Variants in RPTOR observed in about 807,000 individuals in gnomAD.
RPTOR encodes regulatory associated protein of MTOR complex 1.
A neutral mutation model predicts 169.9 loss-of-function variants in RPTOR; 21 were observed. The observed-to-expected ratio is 0.12, with a 90% CI of 0.09 to 0.18. The LOEUF (loss-of-function observed/expected upper bound fraction) is 0.18, where lower values mean the gene tolerates loss of function less well. Among genes scored for constraint, RPTOR ranks in the 10% least tolerant of loss-of-function variants. The probability of loss-of-function intolerance (pLI) is 1.00; values close to 1 mark genes in which losing one functional copy is unlikely to be tolerated. For synonymous variants in RPTOR, 732 were observed against 753.2 expected, an observed-to-expected ratio of 0.97 and a Z score of 0.46; for missense variants, 1,133 against 1,855.9, an observed-to-expected ratio of 0.61 and a Z score of 7.16.
At chr17:80,718,498 G>T (rs1416531121) in intron 4 of RPTOR, among the ~76,000 whole-genome samples, 1 of 152,170 alleles carries the variant, frequency 6.6e-6, no homozygotes, top group Non-Finnish European at 1.5e-5. Context: ...TGATAATGTA[G>T]GGAAAATATT....
intron 24 of RPTOR, among the ~76,000 whole-genome samples, chr17:80,928,640 C>G (rs2068840179): frequency 6.6e-6 from 1 of 152,224 alleles, no homozygotes; most frequent in Non-Finnish European, 1.5e-5. Context: ...GAGCCGTGTT[C>G]TGTCTGCGGC....
chr17:80,709,980 C>CT lies in RPTOR; in HGVS notation c.507+1995dup, dbSNP rs772968444. ...CTTACACTCCTGATAACTTACAAAACTTTTTTTTTTTTTTGAAACAGGGTC... is the reference window on the plus strand; with the variant it reads ...CTTACACTCCTGATAACTTACAAAACTTTTTTTTTTTTTTTGAAACAGGGTC... On this transcript the variant is annotated intron_variant, in intron 4 of 33. Coordinates refer to ENST00000306801, the MANE Select transcript of RPTOR (RefSeq NM_020761.3). 5.1e-3 allele frequency among the ~76,000 whole-genome samples: 725 copies of CT among 143,342 alleles called. 6 individuals are homozygous for CT. Among genetic ancestry groups the CT allele is most frequent in the African/African-American group, 0.015 (603 of 39,204 alleles). 94.0% of individuals were successfully genotyped at this position (143,342 alleles called of 152,430 possible). A position where few individuals can be genotyped will look rare whatever the true frequency, so the allele number is the denominator to read the frequency against.
intron 20 of RPTOR, among the ~76,000 whole-genome samples, chr17:80,898,669 TCCCCCCA>T (rs2143898498): frequency 1.5e-4 from 1 of 6,762 alleles, no homozygotes; most frequent in African/African-American, 6.0e-4. Context: ...CCCCCCCCGC[TCCCCCCA>T]CCCCCCGCCG....
At chr17:80,793,582 G>A (rs1052017913) in intron 7 of RPTOR, among the ~76,000 whole-genome samples, 2 of 152,056 alleles carry the variant, frequency 1.3e-5, no homozygotes, top group African/African-American at 4.8e-5. Context: ...ACAGTGTCTC[G>A]TCTCCATCCT....
At position 80,822,210 on chromosome 17, in the gene RPTOR, C is replaced by T. The variant is rs2143614075; in HGVS notation, c.900C>T (p.Gly300=). The T allele has an allele frequency of 6.2e-7, 1 of 1,614,164 alleles. No individual in the cohort carries two copies. Among genetic ancestry groups the T allele is most frequent in the Non-Finnish European group, 8.5e-7 (1 of 1,179,972 alleles). Reference sequence around the variant, plus strand: ...GCCCCTTGTTTTCTAGGATCCCTGGCCGCCTGAACGACAGGAGGACGCCCC... The same window carrying T: ...GCCCCTTGTTTTCTAGGATCCCTGGTCGCCTGAACGACAGGAGGACGCCCC... ...VTLDLIEKIP[G]RLNDRRTPLG... is the part of the protein sequence containing the mutation. Residue 300 remains glycine (G), a synonymous_variant, in exon 8 of 34, where the codon GGC becomes GGT. Coordinates refer to ENST00000306801, the MANE Select transcript of RPTOR (RefSeq NM_020761.3).
intron 13 of RPTOR, among the ~76,000 whole-genome samples, chr17:80,874,463 G>A (rs2068084738): frequency 6.6e-6 from 1 of 152,068 alleles, no homozygotes; most frequent in African/African-American, 2.4e-5. Context: ...CCAAAGTGCT[G>A]GGATTAGAAT....
intron 3 of RPTOR, among the ~76,000 whole-genome samples, chr17:80,693,417 G>A (rs941679480): frequency 7.2e-5 from 11 of 152,252 alleles, no homozygotes; most frequent in African/African-American, 2.7e-4. Flanking sequence ...GCCCCATCTG[G>A]AAGCAATAGC....
chr17:80,586,874 G>A (rs865989787), intron 1 of RPTOR, among the ~76,000 whole-genome samples: 3 of 149,902 alleles, frequency 2.0e-5, no homozygotes, highest in Middle Eastern at 3.4e-3. Context: ...TGTGATAGCT[G>A]TTCCTGTTCC....
At chr17:80,626,052 TTTA>T (rs974629265) in intron 2 of RPTOR, among the ~76,000 whole-genome samples, 8 of 152,128 alleles carry the variant, frequency 5.3e-5, no homozygotes, top group Non-Finnish European at 2.9e-5. Context: ...TATTTTTTTA[TTTA>T]TTATTATTAT....
At chr17:80,621,654 T>C (rs1360047840) in intron 1 of RPTOR, among the ~76,000 whole-genome samples, 3 of 152,234 alleles carry the variant, frequency 2.0e-5, no homozygotes, top group Non-Finnish European at 4.4e-5. Context: ...ACCTAGTTCA[T>C]GTCCCTGTGG....
At position 80,861,746 on chromosome 17, in the gene RPTOR, T is replaced by C. The variant is rs927742204; in HGVS notation, c.1509+3846T>C. ...GCCTGCTCCCCAGCACCGCCAGTGC[T>C]GCAGGAACGTGTCTAAGCCAACTTT... On this transcript the variant is annotated intron_variant, in intron 13 of 33. Transcript: ENST00000306801. The surrounding 1 kb of genome is among the most constrained non-coding windows in gnomAD (Gnocchi z 4.5). Among the ~76,000 whole-genome samples, 1 of 152,218 alleles carries C rather than the reference T, an allele frequency of 6.6e-6. No homozygotes were observed. The highest frequency in any genetic ancestry group is 2.4e-5 in the African/African-American group (1 of 41,452).
At chr17:80,834,468 C>A (rs1021449557) in intron 9 of RPTOR, among the ~76,000 whole-genome samples, 2 of 152,206 alleles carry the variant, frequency 1.3e-5, no homozygotes, top group African/African-American at 4.8e-5. Flanking sequence ...CCCGCAGCCT[C>A]CTGAGCCTCT....
chr17:80,894,418 C>T (rs2068373122), intron 20 of RPTOR, among the ~76,000 whole-genome samples: 1 of 152,210 alleles, frequency 6.6e-6, no homozygotes, highest in Admixed American at 6.5e-5. Context: ...AATCTCCACA[C>T]AACTTTCCCT....
chr17:80,792,369 T>C (rs2067057258), intron 7 of RPTOR, among the ~76,000 whole-genome samples: 2 of 152,186 alleles, frequency 1.3e-5, no homozygotes, highest in Admixed American at 6.5e-5. Context: ...TGTAAAAACG[T>C]GCTTGCCTTG....
intron 4 of RPTOR, among the ~76,000 whole-genome samples, chr17:80,727,972 C>T (rs1453949295): frequency 6.6e-6 from 1 of 152,140 alleles, no homozygotes; most frequent in Non-Finnish European, 1.5e-5. Flanking sequence ...CACATTTTAT[C>T]CTGCTTTCCA....
At chr17:80,888,262 G>T (rs1012166556) in intron 17 of RPTOR, among the ~76,000 whole-genome samples, 1 of 152,190 alleles carries the variant, frequency 6.6e-6, no homozygotes, top group African/African-American at 2.4e-5. Context: ...CCACAGGCGC[G>T]TGCCACCATG....
At chr17:80,751,738 CAA>C (rs1368383442) in intron 5 of RPTOR, among the ~76,000 whole-genome samples, 1 of 152,192 alleles carries the variant, frequency 6.6e-6, no homozygotes, top group South Asian at 2.1e-4. Context: ...GTGGTATTCA[CAA>C]AACAAGCCCT....
At chr17:80,704,714 C>G (rs752460730) in intron 3 of RPTOR, among the ~76,000 whole-genome samples, 23 of 152,256 alleles carry the variant, frequency 1.5e-4, no homozygotes, top group Non-Finnish European at 3.2e-4. Flanking sequence ...TTGCTGGTAA[C>G]TGAGTGTGTT....
intron 20 of RPTOR, among the ~76,000 whole-genome samples, chr17:80,907,789 C>G (rs757865966): frequency 4.6e-5 from 7 of 152,184 alleles, no homozygotes; most frequent in Non-Finnish European, 1.0e-4. Context: ...TGTGCTACCC[C>G]CTCTCGCTCC....
Sources: gnomAD v4.1 joint callset for allele counts (sites outside exome capture counted in the v4.1 genomes callset) on GRCh38, gnomAD v4.1.1 for gene constraint, Gnocchi (gnomAD v3.1) non-coding constraint, MANE v1.5 for transcripts, NCBI Gene and HGNC (gene_info 2026-07-23, HGNC 2026-07-21) for gene names.